SGCZ: variants seen among roughly 807,000 people sequenced by gnomAD.
SGCZ encodes zeta-sarcoglycan.
Under a neutral mutation model 41.3 loss-of-function variants are expected in SGCZ, and 40 were observed. The observed-to-expected ratio is 0.97, with a 90% confidence interval of 0.75 to 1.26. The LOEUF (loss-of-function observed/expected upper bound fraction) is 1.26. Ranked by LOEUF, SGCZ falls within the 50% of genes most tolerant of loss-of-function variation. SGCZ has a pLI of 0.00. For synonymous variants in SGCZ, 206 were observed against 137.5 expected (o/e 1.50, Z -3.49); for missense variants, 552 against 369.8 (o/e 1.49, Z -4.04).
At chr8:15,201,242 C>A (rs939592316) in intron 1 of SGCZ, among the ~76,000 whole-genome samples, 1 of 152,174 alleles carries the variant, frequency 6.6e-6, no homozygotes, top group Non-Finnish European at 1.5e-5. Context: ...GTCTCGAACT[C>A]CTGACCTCAA....
intron 1 of SGCZ, among the ~76,000 whole-genome samples, chr8:14,713,164 T>C (rs533006559): frequency 6.6e-6 from 1 of 152,310 alleles, no homozygotes; most frequent in Middle Eastern, 3.4e-3. Flanking sequence ...CCAGGTTTAA[T>C]TGCAAAAGTT....
intron 1 of SGCZ, among the ~76,000 whole-genome samples, chr8:14,948,663 C>T (rs1800533305): frequency 1.3e-5 from 2 of 152,154 alleles, no homozygotes; most frequent in African/African-American, 4.8e-5. Flanking sequence ...TAACTACCTC[C>T]TATTTTGCAA....
intron 1 of SGCZ, among the ~76,000 whole-genome samples, chr8:14,640,671 T>C (rs1001956495): frequency 9.9e-5 from 15 of 151,324 alleles, no homozygotes; most frequent in African/African-American, 3.6e-4. Flanking sequence ...TGTGTGTGTG[T>C]GTATATATTT....
intron 1 of SGCZ, among the ~76,000 whole-genome samples, chr8:14,749,053 A>G (rs906493358): frequency 1.3e-5 from 2 of 152,130 alleles, no homozygotes; most frequent in African/African-American, 4.8e-5. Flanking sequence ...TCCAATTTCT[A>G]TCTAATGAAT....
At chr8:15,115,704 T>C (rs1807243514) in intron 1 of SGCZ, among the ~76,000 whole-genome samples, 1 of 152,208 alleles carries the variant, frequency 6.6e-6, no homozygotes, top group South Asian at 2.1e-4. Context: ...AGATGTTCCA[T>C]TGTGCAAATG....
intron 3 of SGCZ, among the ~76,000 whole-genome samples, chr8:14,292,894 AT>A (rs1421969783): frequency 6.6e-6 from 1 of 151,970 alleles, no homozygotes; most frequent in Non-Finnish European, 1.5e-5. Context: ...TTTTGCTATT[AT>A]TTTCTAGCAG....
intron 1 of SGCZ, among the ~76,000 whole-genome samples, chr8:15,051,901 A>G (rs1192589545): frequency 6.6e-6 from 1 of 152,188 alleles, no homozygotes; most frequent in Admixed American, 6.5e-5. Flanking sequence ...CTGGAAGGAG[A>G]TAGCACAATT....
intron 1 of SGCZ, among the ~76,000 whole-genome samples, chr8:15,136,743 C>T (rs935688641): frequency 6.6e-6 from 1 of 152,158 alleles, no homozygotes; most frequent in Admixed American, 6.5e-5. Context: ...TGAGGCCTCC[C>T]CAGCCAGGCA....
intron 1 of SGCZ, among the ~76,000 whole-genome samples, chr8:14,689,819 G>T (rs761719841): frequency 4.6e-5 from 7 of 152,156 alleles, no homozygotes; most frequent in Admixed American, 2.6e-4. Context: ...ATCAGCTGTG[G>T]TATCCTGGCT....
chr8:14,298,690 C>T lies in SGCZ; in HGVS notation c.336+25413G>A, dbSNP rs111868654. Among the ~76,000 whole-genome samples, 954 of 151,996 alleles carry T rather than the reference C, an allele frequency of 6.3e-3. 9 individuals are homozygous for T. Among genetic ancestry groups the T allele is most frequent in the African/African-American group, 0.022 (911 of 41,516 alleles). On this transcript the variant is annotated intron_variant, in intron 3 of 7. Transcript: ENST00000382080. Reference sequence around the variant, plus strand: ...TATTTCTGAAAGGAATTATTGAAGCCTAATTACATGGATAAATGTAATATG... The same window carrying T: ...TATTTCTGAAAGGAATTATTGAAGCTTAATTACATGGATAAATGTAATATG...
At chr8:15,185,297 A>C (rs1298974585) in intron 1 of SGCZ, among the ~76,000 whole-genome samples, 1 of 152,234 alleles carries the variant, frequency 6.6e-6, no homozygotes, top group African/African-American at 2.4e-5. Context: ...AAAGAGCCAA[A>C]GCTCTGAGGT....
intron 4 of SGCZ, among the ~76,000 whole-genome samples, chr8:14,199,842 A>G (rs1052116188): frequency 3.9e-5 from 6 of 152,304 alleles, no homozygotes; most frequent in African/African-American, 1.4e-4. Context: ...AAAAAAATGG[A>G]TTTTGAAGAT....
At chr8:14,565,299 T>G (rs75199957) in intron 1 of SGCZ, among the ~76,000 whole-genome samples, 26,944 of 151,974 alleles carry the variant, frequency 0.18, 2,490 homozygotes, top group Middle Eastern at 0.27. Context: ...TTTCATTGGA[T>G]GAAAATGCAA....
chr8:14,872,999 C>T (rs958439550), intron 1 of SGCZ, among the ~76,000 whole-genome samples: 10 of 152,042 alleles, frequency 6.6e-5, no homozygotes, highest in African/African-American at 2.2e-4. Context: ...TTGACATAAT[C>T]AATTCATGAT....
chr8:14,950,700 A>G (rs1292895339), intron 1 of SGCZ, among the ~76,000 whole-genome samples: 1 of 152,066 alleles, frequency 6.6e-6, no homozygotes, highest in Non-Finnish European at 1.5e-5. Context: ...AGATTTGAGA[A>G]ATGTGAATGT....
chr8:14,085,321 T>C lies in SGCZ; in HGVS notation c.*5122A>G, dbSNP rs2116936772. On this transcript the variant is annotated 3_prime_UTR_variant, in exon 8 of 8. Transcript: ENST00000382080. ...AGTACAAAACAAAATAAATGAATAG[T>C]GGACCTGATTTAAAGAATTGTATAA... Among the ~76,000 whole-genome samples the C allele has an allele frequency of 6.6e-6, 1 of 151,880 alleles. No individual in the cohort carries two copies. The highest frequency in any genetic ancestry group is 2.1e-4 in the South Asian group (1 of 4,832).
At chr8:14,699,231 C>CAT (rs1420098708) in intron 1 of SGCZ, among the ~76,000 whole-genome samples, 1 of 149,262 alleles carries the variant, frequency 6.7e-6, no homozygotes, top group Non-Finnish European at 1.5e-5. Flanking sequence ...ATATAAATCT[C>CAT]ATATATATAT....
intron 1 of SGCZ, among the ~76,000 whole-genome samples, chr8:14,924,388 G>C (rs1169475104): frequency 6.6e-6 from 1 of 152,158 alleles, no homozygotes; most frequent in East Asian, 1.9e-4. Context: ...CATGACACTA[G>C]AGATGAAAGC....
chr8:14,645,952 C>A (rs1807200700), intron 1 of SGCZ, among the ~76,000 whole-genome samples: 1 of 151,832 alleles, frequency 6.6e-6, no homozygotes, highest in South Asian at 2.1e-4. Context: ...TTACTATGCA[C>A]AACTTTATTC....
Sources: allele counts gnomAD v4.1 joint callset (sites outside exome capture counted in the v4.1 genomes callset), GRCh38; gene constraint gnomAD v4.1.1; transcripts MANE v1.5; gene names NCBI Gene and HGNC (gene_info 2026-07-23, HGNC 2026-07-21).